DIAPH2: variants seen among roughly 807,000 people sequenced by gnomAD.
The protein encoded by DIAPH2 is protein diaphanous homolog 2.
A neutral mutation model predicts 92.7 loss-of-function variants in DIAPH2; 35 were observed. That is an observed-to-expected ratio of 0.38 (90% CI 0.29 to 0.50). The LOEUF (loss-of-function observed/expected upper bound fraction) is 0.50. Among genes scored for constraint, DIAPH2 ranks in the 20% least tolerant of loss-of-function variants. DIAPH2 has a pLI of 0.94. For synonymous variants in DIAPH2, 301 were observed against 280.4 expected, an observed-to-expected ratio of 1.07 and a Z score of -0.73; for missense variants, 701 against 819.5, an observed-to-expected ratio of 0.86 and a Z score of 1.77.
intron 22 of DIAPH2, among the ~76,000 whole-genome samples, chrX:97,220,936 A>G (rs1482245857): frequency 8.9e-6 from 1 of 111,803 alleles, no homozygotes; most frequent in Non-Finnish European, 1.9e-5. Context: ...ACATATTAAC[A>G]ACCCTGATAA....
intron 4 of DIAPH2, among the ~76,000 whole-genome samples, chrX:96,810,125 C>G (rs1431007877): frequency 8.9e-6 from 1 of 112,244 alleles, no homozygotes; most frequent in East Asian, 2.8e-4. Context: ...CTAGTTTACA[C>G]TCCCATCAAC....
intron 5 of DIAPH2, among the ~76,000 whole-genome samples, chrX:96,896,195 T>C (rs1313741484): frequency 9.0e-6 from 1 of 111,566 alleles, no homozygotes; most frequent in African/African-American, 3.3e-5. Flanking sequence ...GCCTTGATGA[T>C]GCAACCCAAA....
At chrX:97,147,987 G>A (rs73546758) in intron 22 of DIAPH2, among the ~76,000 whole-genome samples, 1,145 of 111,273 alleles carry the variant, frequency 0.01, 18 homozygotes, top group African/African-American at 0.035. Context: ...TAAAATAATA[G>A]CAAAGTTAAA....
chrX:96,818,884 G>A lies in DIAPH2; in HGVS notation c.447+60626G>A, dbSNP rs769696758. 1.1e-4 allele frequency among the ~76,000 whole-genome samples: 12 copies of A among 112,703 alleles called. No individual in the cohort carries two copies. The South Asian group carries it at 2.2e-3, about 21-fold the overall frequency. On this transcript the variant is annotated intron_variant, in intron 4 of 26. Coordinates refer to ENST00000324765, the MANE Select transcript of DIAPH2 (RefSeq NM_006729.5). ...GTGGAAGACAATTTTACCACGGGAC[G>A]GGCGGGGTGCGGGGATGTGGGGATC...
chrX:97,204,325 C>T (rs1354438837), intron 22 of DIAPH2, among the ~76,000 whole-genome samples: 1 of 111,323 alleles, frequency 9.0e-6, no homozygotes, highest in African/African-American at 3.3e-5. Flanking sequence ...CTGGCCAGGG[C>T]AATCAGGCAG....
chrX:96,919,836 T>C lies in DIAPH2; in HGVS notation c.978+1219T>C, dbSNP rs1301344699. Among the ~76,000 whole-genome samples, 6 of 109,825 alleles carry C rather than the reference T, an allele frequency of 5.5e-5. No individual in the cohort carries two copies. The East Asian group carries it at 1.7e-3, about 31-fold the overall frequency. On this transcript the variant is annotated intron_variant, in intron 9 of 26. Transcript: ENST00000324765. The stretch of plus-strand genomic sequence containing the variant: ...ACTATATTGAAAATTTTGGATCAAC[T>C]TTTATGGTGTACTTTTATGTCAAAT...
chrX:96,854,012 C>A (rs1317027739), intron 4 of DIAPH2, among the ~76,000 whole-genome samples: 1 of 111,218 alleles, frequency 9.0e-6, no homozygotes, highest in Non-Finnish European at 1.9e-5. Flanking sequence ...TTATGGGTAG[C>A]TTCAGTTTGT....
chrX:97,113,337 G>A (rs890848065), intron 20 of DIAPH2, among the ~76,000 whole-genome samples: 1 of 111,589 alleles, frequency 9.0e-6, no homozygotes, highest in Non-Finnish European at 1.9e-5. Flanking sequence ...AGACTATATT[G>A]TAAGCTTTTT....
chrX:96,794,152 G>T (rs997303098), intron 4 of DIAPH2, among the ~76,000 whole-genome samples: 12 of 111,327 alleles, frequency 1.1e-4, no homozygotes, highest in African/African-American at 3.3e-4. Flanking sequence ...GACAAAAGGG[G>T]CAAACAAGTT....
chrX:97,103,452 G>A (rs772238566), intron 20 of DIAPH2, among the ~76,000 whole-genome samples: 105 of 110,425 alleles, frequency 9.5e-4, no homozygotes, highest in African/African-American at 3.1e-3. Flanking sequence ...TCAACCAATG[G>A]TGATCAGAAT....
chrX:97,570,099 T>G lies in DIAPH2; in HGVS notation c.3242-29154T>G, dbSNP rs751236484. Reference sequence around the variant, plus strand: ...TAATATATATATATATATATATATATATATATATATATATATATATATATT... The same window carrying G: ...TAATATATATATATATATATATATAGATATATATATATATATATATATATT... On this transcript the variant is annotated intron_variant, in intron 26 of 26. Transcript: ENST00000324765. Among the ~76,000 whole-genome samples the G allele has an allele frequency of 5.4e-3, 169 of 31,310 alleles. 4 individuals are homozygous for G. The highest frequency in any genetic ancestry group is 0.015 in the African/African-American group (159 of 10,398). The allele number at this position is 31,310 out of a possible 115,157, so 27.2% of individuals were successfully genotyped here.
chrX:96,913,289 A>T (rs1462053785), intron 7 of DIAPH2, among the ~76,000 whole-genome samples: 1 of 111,616 alleles, frequency 9.0e-6, no homozygotes, highest in East Asian at 2.8e-4. Context: ...TATTCCTCCA[A>T]TAATTTCTTT....
intron 4 of DIAPH2, among the ~76,000 whole-genome samples, chrX:96,788,067 T>A (rs962819339): frequency 9.0e-6 from 1 of 110,517 alleles, no homozygotes; most frequent in Non-Finnish European, 1.9e-5. Context: ...AAAGTATATC[T>A]TGATAAAATG....
At chrX:96,728,591 G>A (rs989482436) in intron 1 of DIAPH2, among the ~76,000 whole-genome samples, 5 of 112,197 alleles carry the variant, frequency 4.5e-5, no homozygotes, top group African/African-American at 1.6e-4. Context: ...GCCATAAAGT[G>A]TTGGGTATAA....
chrX:97,373,134 G>A (rs760810695), intron 24 of DIAPH2, among the ~76,000 whole-genome samples: 1 of 111,931 alleles, frequency 8.9e-6, no homozygotes, highest in African/African-American at 3.2e-5. Context: ...TTTCCTCAGC[G>A]GAATATTGAG....
At chrX:97,466,426 A>G (rs2070513404) in intron 26 of DIAPH2, among the ~76,000 whole-genome samples, 1 of 104,890 alleles carries the variant, frequency 9.5e-6, no homozygotes, top group Non-Finnish European at 1.9e-5. Flanking sequence ...ATAGTTAGGC[A>G]TTTGAGACTT....
In DIAPH2 at chrX:96,703,341, G is replaced by A. The variant is rs2147526827; in HGVS notation, c.132+18151G>A. Reference sequence around the variant, plus strand: ...GTCCAAACTTTCTGGTAATTGGCCTGTTTGTAGTATAAATATAAAGATATT... The same window carrying A: ...GTCCAAACTTTCTGGTAATTGGCCTATTTGTAGTATAAATATAAAGATATT... On this transcript the variant is annotated intron_variant, in intron 1 of 26. Transcript: ENST00000324765. 1.8e-5 allele frequency among the ~76,000 whole-genome samples: 2 copies of A among 112,064 alleles called. 1 individual carries two copies. Among genetic ancestry groups the A allele is most frequent in the South Asian group, 7.5e-4 (2 of 2,658 alleles).
chrX:96,794,521 CAAAA>C (rs57508608), intron 4 of DIAPH2, among the ~76,000 whole-genome samples: 1 of 81,358 alleles, frequency 1.2e-5, no homozygotes, highest in Non-Finnish European at 2.6e-5. Context: ...ATTAAATTGC[CAAAA>C]AAAAAAAAAA....
At chrX:97,435,488 C>T (rs769544875) in intron 26 of DIAPH2, among the ~76,000 whole-genome samples, 1 of 111,663 alleles carries the variant, frequency 9.0e-6, no homozygotes, top group Non-Finnish European at 1.9e-5. Flanking sequence ...CCACTCCCAA[C>T]CCCCCACCTC....
Sources: gnomAD v4.1 joint callset for allele counts (sites outside exome capture counted in the v4.1 genomes callset) on GRCh38, gnomAD v4.1.1 for gene constraint, MANE v1.5 for transcripts, NCBI Gene and HGNC (gene_info 2026-07-23, HGNC 2026-07-21) for gene names.